The following SPOCK3 variants were observed in gnomAD, a reference collection of about 807,000 sequenced individuals.
The protein encoded by SPOCK3 is SPARC (osteonectin), cwcv and kazal like domains proteoglycan 3.
Under a neutral mutation model 56.6 loss-of-function variants are expected in SPOCK3, and 30 were observed. The ratio of observed to expected loss-of-function variants is 0.53; its 90% CI spans 0.40 to 0.72. SPOCK3 has a LOEUF of 0.72. Among genes scored for constraint, SPOCK3 ranks in the 30% least tolerant of loss-of-function variants. The pLI is 0.00. For synonymous variants in SPOCK3, 196 were observed against 183.3 expected (o/e 1.07, Z -0.56); for missense variants, 527 against 530.0 (o/e 0.99, Z 0.06).
At chr4:167,032,219 A>G (rs1485405783) in intron 3 of SPOCK3, among the ~76,000 whole-genome samples, 3 of 152,026 alleles carry the variant, frequency 2.0e-5, no homozygotes, top group Middle Eastern at 3.4e-3. Flanking sequence ...AAAGACAAAG[A>G]AAGTTTTCCA....
chr4:167,039,397 C>T (rs1037441073), intron 3 of SPOCK3, among the ~76,000 whole-genome samples: 1 of 152,128 alleles, frequency 6.6e-6, no homozygotes, highest in Non-Finnish European at 1.5e-5. Context: ...ACTGATCTTA[C>T]CTTACTTCAT....
At chr4:167,188,731 A>T (rs1732229002) in intron 2 of SPOCK3, among the ~76,000 whole-genome samples, 1 of 146,232 alleles carries the variant, frequency 6.8e-6, no homozygotes, top group Non-Finnish European at 1.5e-5. Context: ...TTATTTTTCA[A>T]AAGCCACAGT....
intron 2 of SPOCK3, among the ~76,000 whole-genome samples, chr4:167,197,606 A>G (rs993453651): frequency 1.4e-5 from 2 of 141,758 alleles, no homozygotes; most frequent in East Asian, 4.0e-4. Flanking sequence ...ATTGCCTTCA[A>G]CCAGAAAAAA....
intron 8 of SPOCK3, 97 bp downstream of exon 8, chr4:166,754,411 A>G: frequency 7.0e-7 from 1 of 1,432,540 alleles, no homozygotes; most frequent in Non-Finnish European, 9.2e-7. Flanking sequence ...CATACACAAA[A>G]TGAATGAGCA....
intron 4 of SPOCK3, among the ~76,000 whole-genome samples, chr4:166,936,710 T>C (rs1221534372): frequency 6.6e-6 from 1 of 152,116 alleles, no homozygotes; most frequent in African/African-American, 2.4e-5. Context: ...TGATTAATGA[T>C]TTATCTTACA....
intron 3 of SPOCK3, among the ~76,000 whole-genome samples, chr4:167,056,785 G>C (rs1754925522): frequency 1.3e-5 from 2 of 152,212 alleles, no homozygotes; most frequent in Non-Finnish European, 2.9e-5. Flanking sequence ...ACGGGACTAT[G>C]TGAAAAGACC....
chr4:166,890,693 G>GA, intron 5 of SPOCK3, among the ~76,000 whole-genome samples: 1 of 151,946 alleles, frequency 6.6e-6, no homozygotes. Flanking sequence ...GTCAATTTTA[G>GA]AAAAAGTGTG....
At chr4:166,954,831 G>A (rs1579789582) in intron 4 of SPOCK3, among the ~76,000 whole-genome samples, 1 of 152,184 alleles carries the variant, frequency 6.6e-6, no homozygotes, top group East Asian at 1.9e-4. Context: ...CCACCCGCAG[G>A]TCCAGGCAGC....
chr4:166,752,567 TATATATAC>T lies in SPOCK3; in HGVS notation c.931+1933_931+1940del, dbSNP rs1313552489. On this transcript the variant is annotated intron_variant, in intron 8 of 10. Transcript: ENST00000357545. ...CTATATGTGTGTATATATATATATA[TATATATAC>T]ACACACACACACACACACACACACA... 1.9e-4 allele frequency among the ~76,000 whole-genome samples: 21 copies of T among 111,382 alleles called. No individual in the cohort carries two copies. In the East Asian group the frequency reaches 2.7e-3, roughly 14 times the overall value. 73.1% of individuals were successfully genotyped at this position (111,382 alleles called of 152,430 possible). A position where few individuals can be genotyped will look rare whatever the true frequency, so the allele number is the denominator to read the frequency against.
intron 7 of SPOCK3, among the ~76,000 whole-genome samples, chr4:166,768,256 G>C (rs1014848330): frequency 3.3e-5 from 5 of 152,172 alleles, no homozygotes; most frequent in Middle Eastern, 3.4e-3. Flanking sequence ...TATTTTGCTC[G>C]TTAGTTGATG....
chr4:166,872,628 C>T (rs1560956864), intron 6 of SPOCK3, among the ~76,000 whole-genome samples: 1 of 152,040 alleles, frequency 6.6e-6, no homozygotes, highest in Non-Finnish European at 1.5e-5. Flanking sequence ...TAGAAATGAG[C>T]TATCAAGCCA....
At chr4:166,854,796 C>A (rs12331719) in intron 6 of SPOCK3, among the ~76,000 whole-genome samples, 4 of 152,060 alleles carry the variant, frequency 2.6e-5, no homozygotes, top group Non-Finnish European at 4.4e-5. Flanking sequence ...CACACACACA[C>A]AAAAATACAT....
At chr4:166,873,802 G>A (rs1167683511) in intron 6 of SPOCK3, among the ~76,000 whole-genome samples, 1 of 152,052 alleles carries the variant, frequency 6.6e-6, no homozygotes, top group African/African-American at 2.4e-5. Flanking sequence ...AACATAGGTT[G>A]GTAGTTGGGG....
chr4:167,039,319 C>T (rs1043632306), intron 3 of SPOCK3, among the ~76,000 whole-genome samples: 1 of 152,156 alleles, frequency 6.6e-6, no homozygotes, highest in African/African-American at 2.4e-5. Flanking sequence ...CAGTTAAGGT[C>T]ACGTTCATAA....
intron 6 of SPOCK3, among the ~76,000 whole-genome samples, chr4:166,847,557 A>G (rs1289324801): frequency 6.7e-6 from 1 of 149,412 alleles, no homozygotes; most frequent in Non-Finnish European, 1.5e-5. Flanking sequence ...ATAACACATT[A>G]GTAAGCTACC....
intron 4 of SPOCK3, among the ~76,000 whole-genome samples, chr4:166,926,233 T>A (rs532557257): frequency 6.6e-6 from 1 of 152,192 alleles, no homozygotes; most frequent in South Asian, 2.1e-4. Flanking sequence ...TTACTAAATA[T>A]AGAACATGAG....
chr4:166,761,999 T>C (rs1297518201), intron 7 of SPOCK3, among the ~76,000 whole-genome samples: 1 of 151,874 alleles, frequency 6.6e-6, no homozygotes, highest in Non-Finnish European at 1.5e-5. Flanking sequence ...TATTTAATGC[T>C]CATATCTGTG....
At chr4:166,934,577 T>A (rs1740179107) in intron 4 of SPOCK3, among the ~76,000 whole-genome samples, 2 of 152,134 alleles carry the variant, frequency 1.3e-5, no homozygotes, top group South Asian at 4.1e-4. Context: ...TTGGTACATA[T>A]ATGTATTTAG....
In SPOCK3 at chr4:166,741,875, A is replaced by AT. The variant is rs1178954442; in HGVS notation, c.994+121dup. The AT allele has an allele frequency of 1.4e-5, 10 of 711,078 alleles. No homozygotes were observed. The African/African-American group carries it at 1.8e-4, about 13-fold the overall frequency. The allele number at this position is 711,078 out of a possible 1,614,324, so 44.0% of individuals were successfully genotyped here. A position where few individuals can be genotyped will look rare whatever the true frequency, so the allele number is the denominator to read the frequency against. On this transcript the variant is annotated intron_variant, in intron 9 of 10. Coordinates refer to ENST00000357545, the MANE Select transcript of SPOCK3 (RefSeq NM_001040159.2). ...TTAATGGCTTTCAAAAAGTTCATAA[A>AT]TTTTGTTGCTGAAATTTAGTGCAGT...
Sources: allele counts gnomAD v4.1 joint callset (sites outside exome capture counted in the v4.1 genomes callset), GRCh38; gene constraint gnomAD v4.1.1; transcripts MANE v1.5; gene names NCBI Gene and HGNC (gene_info 2026-07-23, HGNC 2026-07-21).